Variants in ECT2 observed in about 807,000 individuals in gnomAD.
The protein encoded by ECT2 is epithelial cell transforming 2.
In ECT2, 61 loss-of-function variants were observed where a neutral mutation model predicts 116.9. The observed-to-expected ratio is 0.52, with a 90% CI of 0.42 to 0.65. The LOEUF is 0.65. ECT2 is among the 30% of genes least tolerant of loss of function. The pLI, the probability that ECT2 is intolerant of heterozygous loss-of-function variation, is 0.00. For synonymous variants in ECT2, 358 were observed against 346.4 expected, an observed-to-expected ratio of 1.03 and a Z score of -0.37; for missense variants, 937 against 1,078.7, an observed-to-expected ratio of 0.87 and a Z score of 1.84.
At chr3:172,757,645 G>C (rs1313099163) in intron 5 of ECT2, among the ~76,000 whole-genome samples, 1 of 151,988 alleles carries the variant, frequency 6.6e-6, no homozygotes, top group East Asian at 1.9e-4. Context: ...TTGATCTCCT[G>C]ACCTCGTGAT....
intron 22 of ECT2, among the ~76,000 whole-genome samples, chr3:172,812,332 T>A (rs973939440): frequency 2.0e-5 from 3 of 152,200 alleles, no homozygotes; most frequent in Non-Finnish European, 4.4e-5. Flanking sequence ...ATTTTCTCTT[T>A]AGAATGCAGT....
intron 18 of ECT2, among the ~76,000 whole-genome samples, chr3:172,795,987 G>C (rs903674683): frequency 6.6e-6 from 1 of 152,024 alleles, no homozygotes; most frequent in Non-Finnish European, 1.5e-5. Flanking sequence ...TTTAAAGTTT[G>C]TTTCAAAATA....
chr3:172,754,469 A>G, intron 1 of ECT2, 40 bp from the exon 2 acceptor site: 2 of 1,428,348 alleles, frequency 1.4e-6, no homozygotes, highest in South Asian at 1.4e-5. Context: ...TTGCCCAATG[A>G]CCATGTTTAT....
intron 21 of ECT2, 102 bp downstream of exon 21, chr3:172,805,971 T>A: frequency 1.6e-6 from 2 of 1,227,600 alleles, no homozygotes; most frequent in Middle Eastern, 2.5e-4. Flanking sequence ...AAATTATCTT[T>A]AAATATAGTT....
At chr3:172,761,163 T>A (rs554756833) in intron 7 of ECT2, among the ~76,000 whole-genome samples, 8 of 152,214 alleles carry the variant, frequency 5.3e-5, no homozygotes, top group South Asian at 4.1e-4. Context: ...TTAGCAAGAG[T>A]TTATCATTTT....
intron 21 of ECT2, among the ~76,000 whole-genome samples, chr3:172,806,362 G>A (rs915040325): frequency 1.3e-5 from 2 of 152,094 alleles, no homozygotes; most frequent in African/African-American, 4.8e-5. Flanking sequence ...AGTCATATGT[G>A]TATTAAGGAA....
At chr3:172,813,175 G>T (rs1729076820) in intron 22 of ECT2, among the ~76,000 whole-genome samples, 1 of 152,080 alleles carries the variant, frequency 6.6e-6, no homozygotes, top group African/African-American at 2.4e-5. Flanking sequence ...TAAGTATCAA[G>T]AGTTTTCCTT....
Position 172,791,402 on chromosome 3 carries a change from C to T in ECT2, c.1907+4828C>T, listed in dbSNP as rs74779407. 2.6e-3 allele frequency among the ~76,000 whole-genome samples: 399 copies of T among 152,320 alleles called. 1 individual carries two copies. The highest frequency in any genetic ancestry group is 9.2e-3 in the African/African-American group (381 of 41,574). On this transcript the variant is annotated intron_variant, in intron 18 of 24. Transcript: ENST00000392692. The stretch of plus-strand genomic sequence containing the variant: ...CTCTAGCTGTGAAAGTCCTAGAAAG[C>T]ACCTTCTTCTACTGGAAGGCTGTTT...
chr3:172,806,807 AT>A (rs1727836775), intron 21 of ECT2, among the ~76,000 whole-genome samples: 1 of 151,092 alleles, frequency 6.6e-6, no homozygotes, highest in South Asian at 2.1e-4. Flanking sequence ...TGCCTGGCTA[AT>A]TTTTTTGTAT....
intron 13 of ECT2, 89 bp downstream of exon 13, chr3:172,769,232 A>G: frequency 7.9e-7 from 1 of 1,262,414 alleles, no homozygotes; most frequent in East Asian, 2.5e-5. Flanking sequence ...CGAGAAAATT[A>G]TATAAACATA....
At chr3:172,756,525 A>G (rs1307643836) in intron 4 of ECT2, among the ~76,000 whole-genome samples, 1 of 152,178 alleles carries the variant, frequency 6.6e-6, no homozygotes. Flanking sequence ...GTGCTATAGT[A>G]TTATTTTCCT....
intron 18 of ECT2, among the ~76,000 whole-genome samples, chr3:172,797,022 G>GTGTGTGTA (rs923955926): frequency 6.1e-5 from 9 of 147,910 alleles, no homozygotes; most frequent in Non-Finnish European, 1.3e-4. Flanking sequence ...GTTCAACTGT[G>GTGTGTGTA]TGTGTGTGTG....
intron 12 of ECT2, among the ~76,000 whole-genome samples, chr3:172,768,782 A>G (rs1459657420): frequency 6.6e-6 from 1 of 152,218 alleles, no homozygotes; most frequent in Non-Finnish European, 1.5e-5. Context: ...GTTTTTGAAG[A>G]GTACAGGCTG....
chr3:172,758,230 T>C (rs528010215), intron 5 of ECT2, among the ~76,000 whole-genome samples: 61 of 152,308 alleles, frequency 4.0e-4, no homozygotes, highest in Admixed American at 1.0e-3. Context: ...TTTGTTGCTG[T>C]CTTGGCATTC....
At chr3:172,812,452 A>C (rs551162129) in intron 22 of ECT2, among the ~76,000 whole-genome samples, 1 of 152,300 alleles carries the variant, frequency 6.6e-6, no homozygotes, top group South Asian at 2.1e-4. Flanking sequence ...CACTGTTTTT[A>C]ATTATTTTCC....
chr3:172,825,673 T>G (rs180881992), downstream of ECT2, among the ~76,000 whole-genome samples: 104 of 152,104 alleles, frequency 6.8e-4, no homozygotes, highest in African/African-American at 2.3e-3. Context: ...CTGAGAGAGA[T>G]AAGGAAGCTG....
Position 172,759,147 on chromosome 3 carries a change from A to G in ECT2, c.576+78A>G, listed in dbSNP as rs1186012807. On this transcript the variant is annotated intron_variant, in intron 6 of 24. Coordinates refer to ENST00000392692, the MANE Select transcript of ECT2 (RefSeq NM_001258315.2). The stretch of plus-strand genomic sequence containing the variant: ...AAATTGGCTTTTTTTTCTTTTTAGT[A>G]TTATGGTTTTATTTTTAAAATATTG... 8 of 989,418 alleles carry G rather than the reference A, an allele frequency of 8.1e-6. No homozygotes were observed. The South Asian group carries it at 1.1e-4, about 14-fold the overall frequency. 61.3% of individuals were successfully genotyped at this position (989,418 alleles called of 1,614,324 possible).
intron 24 of ECT2, among the ~76,000 whole-genome samples, chr3:172,817,685 ATAC>A (rs745312050): frequency 1.6e-4 from 25 of 152,118 alleles, no homozygotes; most frequent in Non-Finnish European, 2.9e-4. Context: ...TAGATATTTA[ATAC>A]TACTATTACT....
intron 14 of ECT2, 117 bp downstream of exon 14, chr3:172,774,139 C>G: frequency 1.1e-6 from 1 of 870,380 alleles, no homozygotes; most frequent in Non-Finnish European, 1.8e-6. Flanking sequence ...TTCTTATTCC[C>G]TTATTAGTTC....
Sources: allele counts gnomAD v4.1 joint callset (sites outside exome capture counted in the v4.1 genomes callset), GRCh38; gene constraint gnomAD v4.1.1; transcripts MANE v1.5; gene names NCBI Gene and HGNC (gene_info 2026-07-23, HGNC 2026-07-21).